RGS17: variants seen among roughly 807,000 people sequenced by gnomAD.
The protein encoded by RGS17 is regulator of G protein signaling 17, also known as regulator of G-protein signaling 17.
Under a neutral mutation model 25.5 loss-of-function variants are expected in RGS17, and 12 were observed. The observed-to-expected ratio is 0.47, with a 90% confidence interval of 0.30 to 0.76. The LOEUF (loss-of-function observed/expected upper bound fraction) is 0.76. Ranked by LOEUF, RGS17 falls within the 30% of genes least tolerant of loss-of-function variation. The probability of loss-of-function intolerance (pLI) is 0.07; values close to 1 mark genes in which losing one functional copy is unlikely to be tolerated. For missense variants in RGS17, 196 were observed against 242.2 expected (o/e 0.81, Z 1.27); for synonymous variants, 71 against 76.9 (o/e 0.92, Z 0.40).
intron 1 of RGS17, among the ~76,000 whole-genome samples, chr6:153,047,319 C>T (rs60497393): frequency 0.059 from 9,049 of 152,248 alleles, 883 homozygotes; most frequent in African/African-American, 0.2. Context: ...CTATGTTTCT[C>T]TGTTTAGATA....
intron 1 of RGS17, among the ~76,000 whole-genome samples, chr6:153,102,222 T>C (rs1413566085): frequency 1.3e-5 from 2 of 152,192 alleles, no homozygotes; most frequent in African/African-American, 2.4e-5. Flanking sequence ...AAATGGAACA[T>C]GACAGAGACA....
intron 1 of RGS17, among the ~76,000 whole-genome samples, chr6:153,082,170 T>C (rs1776995672): frequency 6.6e-6 from 1 of 152,352 alleles, no homozygotes; most frequent in East Asian, 1.9e-4. Flanking sequence ...TGCTGTTTAT[T>C]ACTGGCTTTT....
At chr6:153,110,948 A>G (rs1282321301) in intron 1 of RGS17, among the ~76,000 whole-genome samples, 1 of 152,204 alleles carries the variant, frequency 6.6e-6, no homozygotes, top group Non-Finnish European at 1.5e-5. Flanking sequence ...CCCGCAGACC[A>G]GGAGATTCCC....
intron 4 of RGS17, among the ~76,000 whole-genome samples, chr6:153,014,491 G>GTA (rs1779162827): frequency 1.3e-5 from 2 of 152,124 alleles, no homozygotes; most frequent in Non-Finnish European, 2.9e-5. Flanking sequence ...CAACTCACAA[G>GTA]TATTATTTAA....
chr6:153,014,878 TGAA>T (rs1337868083), intron 4 of RGS17, among the ~76,000 whole-genome samples: 1 of 151,504 alleles, frequency 6.6e-6, no homozygotes, highest in Non-Finnish European at 1.5e-5. Context: ...GCAAAGCAAA[TGAA>T]AAACCTTCTG....
intron 4 of RGS17, among the ~76,000 whole-genome samples, chr6:153,019,106 A>G (rs1264275540): frequency 1.3e-5 from 2 of 152,242 alleles, no homozygotes; most frequent in Admixed American, 1.3e-4. Flanking sequence ...CAGAGCTTGA[A>G]CATCACAGAT....
chr6:153,116,149 G>A (rs1311172375), intron 1 of RGS17, among the ~76,000 whole-genome samples: 1 of 152,072 alleles, frequency 6.6e-6, no homozygotes, highest in African/African-American at 2.4e-5. Flanking sequence ...TACAGAATGG[G>A]GGAAAATTTT....
intron 1 of RGS17, among the ~76,000 whole-genome samples, chr6:153,081,543 G>A (rs550273244): frequency 5.0e-4 from 76 of 152,168 alleles, no homozygotes; most frequent in African/African-American, 1.5e-3. Context: ...CGTTTAGACC[G>A]TTTGCATTTA....
intron 1 of RGS17, among the ~76,000 whole-genome samples, chr6:153,061,016 G>A (rs1301867478): frequency 6.6e-6 from 1 of 152,124 alleles, no homozygotes; most frequent in African/African-American, 2.4e-5. Context: ...GTGTAGGTGA[G>A]CACTTAGGTT....
At chr6:153,060,632 G>A (rs1776620520) in intron 1 of RGS17, among the ~76,000 whole-genome samples, 1 of 151,790 alleles carries the variant, frequency 6.6e-6, no homozygotes, top group East Asian at 1.9e-4. Flanking sequence ...GATATTTTGT[G>A]AGCTGGAGCC....
chr6:153,065,335 GCC>G (rs896504584), intron 1 of RGS17, among the ~76,000 whole-genome samples: 5 of 152,132 alleles, frequency 3.3e-5, no homozygotes, highest in African/African-American at 1.2e-4. Context: ...AAAGAAACAG[GCC>G]CCAGTACAGT....
At chr6:153,017,243 C>T (rs1373890779) in intron 4 of RGS17, among the ~76,000 whole-genome samples, 1 of 151,912 alleles carries the variant, frequency 6.6e-6, no homozygotes, top group Non-Finnish European at 1.5e-5. Context: ...TGAGACATAG[C>T]AACTGAAGTT....
chr6:153,029,574 C>CT (rs67471007), intron 2 of RGS17, among the ~76,000 whole-genome samples: 22,132 of 148,396 alleles, frequency 0.15, 2,063 homozygotes, highest in African/African-American at 0.27. Context: ...CATAGAGACA[C>CT]TTTTTTTTTT....
intron 1 of RGS17, among the ~76,000 whole-genome samples, chr6:153,102,056 A>C (rs1562334466): frequency 6.6e-6 from 1 of 152,206 alleles, no homozygotes; most frequent in Non-Finnish European, 1.5e-5. Context: ...TTCTGCCATC[A>C]ATGCAACGAT....
At chr6:153,114,430 C>T (rs1009970411) in intron 1 of RGS17, among the ~76,000 whole-genome samples, 2 of 152,098 alleles carry the variant, frequency 1.3e-5, no homozygotes, top group African/African-American at 4.8e-5. Context: ...GAAACTGAGG[C>T]AGTAATTAAT....
rs946199729 is a variant in RGS17, at chr6:153,009,458, G to A, written c.*2116C>T. On this transcript the variant is annotated 3_prime_UTR_variant, in exon 5 of 5. Coordinates refer to ENST00000206262, the MANE Select transcript of RGS17 (RefSeq NM_012419.5). ...TTAGGAACAATAGAACTTCACAATA[G>A]AAGTGATGATTCTTTTAGGTTTTTC... 4.0e-5 allele frequency: 6 copies of A among 151,888 alleles called. No individual in the cohort carries two copies. Among genetic ancestry groups the A allele is most frequent in the African/African-American group, 1.4e-4 (6 of 41,398 alleles). 9.4% of individuals were successfully genotyped at this position (151,888 alleles called of 1,614,324 possible).
intron 1 of RGS17, among the ~76,000 whole-genome samples, chr6:153,082,151 T>C (rs1039908207): frequency 6.6e-6 from 1 of 152,212 alleles, no homozygotes; most frequent in African/African-American, 2.4e-5. Flanking sequence ...TTCTGGCTCT[T>C]TTTAAGACTG....
chr6:153,104,586 C>T (rs1439363686), intron 1 of RGS17, among the ~76,000 whole-genome samples: 3 of 152,124 alleles, frequency 2.0e-5, no homozygotes, highest in Non-Finnish European at 4.4e-5. Flanking sequence ...TTAATTTATT[C>T]AATAAACATT....
At chr6:153,014,461 C>G (rs1315284200) in intron 4 of RGS17, among the ~76,000 whole-genome samples, 2 of 152,106 alleles carry the variant, frequency 1.3e-5, no homozygotes, top group East Asian at 3.9e-4. Context: ...TTCTGCAGCC[C>G]ATGGATCAAG....
Sources: allele counts gnomAD v4.1 joint callset (sites outside exome capture counted in the v4.1 genomes callset), GRCh38; gene constraint gnomAD v4.1.1; transcripts MANE v1.5; gene names NCBI Gene and HGNC (gene_info 2026-07-23, HGNC 2026-07-21).